MSH6: variants seen among roughly 807,000 people sequenced by gnomAD.
MSH6 encodes the protein DNA mismatch repair protein Msh6.
MSH6 carries 85 observed loss-of-function variants against 119.1 expected under a neutral mutation model. The observed-to-expected ratio is 0.71, with a 90% CI of 0.60 to 0.85. MSH6 has a LOEUF of 0.85. Ranked by LOEUF, MSH6 falls within the 40% of genes least tolerant of loss-of-function variation. The pLI is 0.00. For synonymous variants in MSH6, 830 were observed against 586.9 expected (o/e 1.41, Z -5.99); for missense variants, 2,163 against 1,655.3 (o/e 1.31, Z -5.32).
chr2:47,791,489 A>G (rs777970852), intron 2 of MSH6, among the ~76,000 whole-genome samples: 1 of 152,098 alleles, frequency 6.6e-6, no homozygotes, highest in African/African-American at 2.4e-5. Context: ...GGAGATGCGC[A>G]CTACCTGGCC....
chr2:47,783,319 G>T lies in MSH6; in HGVS notation c.86G>T (p.Arg29Leu). ...DANKASARAS[R>L]EGGRAAAAPG... ...AACAAGGCCTCGGCCAGGGCCTCAC[G>T]CGAAGGCGGCCGTGCCGCCGCTGCC... The change falls in exon 1 of 10, where the codon CGC becomes CTC. Residue 29 changes from arginine (R) to leucine (L), a missense_variant. Transcript: ENST00000234420. 6.2e-7 allele frequency: 1 copy of T among 1,611,174 alleles called. No individual in the cohort carries two copies. The highest frequency in any genetic ancestry group is 8.5e-7 in the Non-Finnish European group (1 of 1,179,142).
intron 1 of MSH6, chr2:47,789,417 TC>T (rs1250141238): frequency 4.3e-6 from 2 of 469,112 alleles, no homozygotes; most frequent in Non-Finnish European, 4.4e-6. Flanking sequence ...AACTTTTTTT[TC>T]CTAGTGAGGA....
At position 47,799,057 on chromosome 2, in the gene MSH6, C is replaced by T. The variant is rs760311819; in HGVS notation, c.1074C>T (p.Asp358=). 2 of 1,614,152 alleles carry T rather than the reference C, an allele frequency of 1.2e-6. No homozygotes were observed. Among genetic ancestry groups the T allele is most frequent in the East Asian group, 2.2e-5 (1 of 44,890 alleles). Residue 358 remains aspartate, a synonymous_variant, in exon 4 of 10, where the codon GAC becomes GAT. Coordinates refer to ENST00000234420, the MANE Select transcript of MSH6 (RefSeq NM_000179.3). ...SQAHVSGGGD[D]SSRPTVWYHE... ...CCCACGTTAGTGGAGGTGGTGATGACAGTAGTCGCCCTACTGTTTGGTATC... is the reference window on the plus strand; with the variant it reads ...CCCACGTTAGTGGAGGTGGTGATGATAGTAGTCGCCCTACTGTTTGGTATC...
At position 47,804,895 on chromosome 2, in the gene MSH6, C is replaced by T. The variant is rs1305658142; in HGVS notation, c.3439-15C>T. 5 of 1,597,294 alleles carry T rather than the reference C, an allele frequency of 3.1e-6. No homozygotes were observed. Among genetic ancestry groups the T allele is most frequent in the Admixed American group, 1.7e-5 (1 of 59,984 alleles). Reference sequence around the variant, plus strand: ...ACTACCAGTCATAAAAGACCTTTTCCTCCCTCATTCACAGGCTGGCTTATT... The same window carrying T: ...ACTACCAGTCATAAAAGACCTTTTCTTCCCTCATTCACAGGCTGGCTTATT... On this transcript the variant is annotated splice_polypyrimidine_tract_variant and intron_variant, in intron 5 of 9. Transcript: ENST00000234420.
downstream of MSH6, chr2:47,807,138 T>C (rs1670266447): frequency 2.5e-6 from 1 of 403,394 alleles, no homozygotes; most frequent in South Asian, 3.4e-5. Flanking sequence ...GCTATGAAAC[T>C]GTATAGGGCT....
chr2:47,805,370 G>T (rs897475318), intron 6 of MSH6, among the ~76,000 whole-genome samples: 1 of 151,978 alleles, frequency 6.6e-6, no homozygotes, highest in South Asian at 2.1e-4. Flanking sequence ...TAGTAGAAGC[G>T]GGGTTTCACC....
chr2:47,786,129 A>G (rs1217359392), intron 1 of MSH6, among the ~76,000 whole-genome samples: 1 of 152,208 alleles, frequency 6.6e-6, no homozygotes, highest in East Asian at 1.9e-4. Flanking sequence ...AACCGAAACC[A>G]GAAGGACAAA....
intron 5 of MSH6, 93 bp from the exon 6 acceptor site, chr2:47,804,817 G>A (rs1187039176): frequency 2.2e-6 from 2 of 917,646 alleles, no homozygotes; most frequent in Admixed American, 3.4e-5. Context: ...GTTTTAGAGT[G>A]CCTAGCTCTT....
chr2:47,804,577 A>T (rs1019365193), intron 5 of MSH6, among the ~76,000 whole-genome samples: 1 of 150,742 alleles, frequency 6.6e-6, no homozygotes, highest in Non-Finnish European at 1.5e-5. Context: ...CCTGACATGG[A>T]TTCACTTGAT....
Position 47,800,390 on chromosome 2 carries a change from G to T in MSH6, c.2407G>T (p.Asp803Tyr), listed in dbSNP as rs1553413770. The T allele has an allele frequency of 6.2e-7, 1 of 1,614,050 alleles. No homozygotes were observed. Among genetic ancestry groups the T allele is most frequent in the Non-Finnish European group, 8.5e-7 (1 of 1,180,020 alleles). The change falls in exon 4 of 10, where the codon GAC (aspartate) becomes TAC (tyrosine). Residue 803 changes from aspartate (D) to tyrosine (Y), a missense_variant. By Grantham distance (160) the Asp-to-Tyr change is radical (BLOSUM62 -3). Transcript: ENST00000234420. Reference protein sequence around the residue: ...DAIEDLMVVPDKISEVVELLK... With the variant: ...DAIEDLMVVPYKISEVVELLK... ...CATAGAAGACCTCATGGTTGTGCCTGACAAAATCTCCGAAGTTGTAGAGCT... is the reference window on the plus strand; with the variant it reads ...CATAGAAGACCTCATGGTTGTGCCTTACAAAATCTCCGAAGTTGTAGAGCT...
At position 47,806,613 on chromosome 2, in the gene MSH6, A is replaced by AGAAT; in HGVS notation, c.3964_3967dup (p.Phe1323Ter). On this transcript the variant is annotated frameshift_variant, in exon 9 of 10. Transcript: ENST00000234420. LOFTEE classifies it high-confidence loss of function. ...TTCAAAAGGGACATAGAAAAGCAAGAGAATTTGAGAAGATGAATCAGTCAC... is the reference window on the plus strand; with the variant it reads ...TTCAAAAGGGACATAGAAAAGCAAGAGAATGAATTTGAGAAGATGAATCAGTCAC... 8 of 1,612,718 alleles carry AGAAT rather than the reference A, an allele frequency of 5.0e-6. No individual in the cohort carries two copies. Among genetic ancestry groups the AGAAT allele is most frequent in the Non-Finnish European group, 6.8e-6 (8 of 1,179,732 alleles).
In MSH6 at chr2:47,795,934, C is replaced by T. The variant is rs587779313; in HGVS notation, c.498C>T (p.Tyr166=). Residue 166 remains tyrosine (Y), a synonymous_variant, in exon 3 of 10, where the codon TAC becomes TAT. Coordinates refer to ENST00000234420, the MANE Select transcript of MSH6 (RefSeq NM_000179.3). The part of the protein sequence containing the change: ...SKEAQKGGHF[Y]SAKPEILRAM... The stretch of plus-strand genomic sequence containing the variant: ...AAGCCCAGAAGGGAGGTCATTTTTA[C>T]AGTGCAAAGCCTGAAATACTGAGAG... 4.3e-6 allele frequency: 7 copies of T among 1,613,794 alleles called. No homozygotes were observed. The highest frequency in any genetic ancestry group is 1.3e-5 in the African/African-American group (1 of 74,896).
downstream of MSH6, chr2:47,809,821 A>G: frequency 1.6e-6 from 1 of 642,392 alleles, no homozygotes; most frequent in African/African-American, 1.8e-5. Flanking sequence ...TAACCCTCTT[A>G]ATGTCTACTG....
chr2:47,806,055 C>G, intron 7 of MSH6, 149 bp from the exon 8 acceptor site: 2 of 787,918 alleles, frequency 2.5e-6, no homozygotes, highest in South Asian at 3.1e-5. Context: ...TAAGCAGACT[C>G]GTGTAGCTAA....
chr2:47,806,099 G>T, intron 7 of MSH6, 105 bp from the exon 8 acceptor site: 2 of 1,084,220 alleles, frequency 1.8e-6, no homozygotes, highest in East Asian at 2.5e-5. Context: ...TTTAGACGTG[G>T]ATGTACTAAC....
intron 4 of MSH6, 34 bp from the exon 5 acceptor site, chr2:47,803,386 G>A (rs56408691): frequency 5.6e-6 from 9 of 1,613,830 alleles, no homozygotes; most frequent in Middle Eastern, 1.6e-4. Flanking sequence ...ACCCCCAAAC[G>A]ATGAAGCCTC....
At chr2:47,810,075 A>T (rs1431477104), downstream of MSH6, 2 of 502,528 alleles carry the variant, frequency 4.0e-6, no homozygotes, top group Non-Finnish European at 7.0e-6. Context: ...CATTTATTCT[A>T]TCCCAATAAA....
chr2:47,799,538 A>C lies in MSH6; in HGVS notation c.1555A>C (p.Lys519Gln), dbSNP rs2104351247. ...VRREICRIIT[K>Q]GTQTYSVLEG... ...GAGGGAGATCTGTAGGATCATTACCAAGGGTACACAGACTTACAGTGTGCT... is the reference window on the plus strand; with the variant it reads ...GAGGGAGATCTGTAGGATCATTACCCAGGGTACACAGACTTACAGTGTGCT... The change falls in exon 4 of 10, where the codon AAG (lysine) becomes CAG (glutamine). Residue 519 changes from lysine (K) to glutamine (Q), a missense_variant. By Grantham distance (53) the Lys-to-Gln change is moderately conservative. Transcript: ENST00000234420. 5 of 1,614,216 alleles carry C rather than the reference A, an allele frequency of 3.1e-6. No individual in the cohort carries two copies. The East Asian group carries it at 1.1e-4, about 36-fold the overall frequency.
At chr2:47,792,378 T>C (rs992342681) in intron 2 of MSH6, among the ~76,000 whole-genome samples, 2 of 152,132 alleles carry the variant, frequency 1.3e-5, no homozygotes, top group Non-Finnish European at 2.9e-5. Context: ...CAAAAAAGGA[T>C]TGGGGGCATT....
Sources: allele counts gnomAD v4.1 joint callset (sites outside exome capture counted in the v4.1 genomes callset), GRCh38; gene constraint gnomAD v4.1.1; transcripts MANE v1.5; gene names NCBI Gene and HGNC (gene_info 2026-07-23, HGNC 2026-07-21).